Variants in ASB7 observed in about 807,000 individuals in gnomAD.
ASB7 encodes the protein ankyrin repeat and SOCS box protein 7.
A neutral mutation model predicts 32.5 loss-of-function variants in ASB7; 4 were observed. The observed-to-expected ratio is 0.12, with a 90% CI of 0.06 to 0.28. The LOEUF (loss-of-function observed/expected upper bound fraction) is 0.28, where lower values mean the gene tolerates loss of function less well. ASB7 is among the 10% of genes least tolerant of loss of function. The pLI is 1.00. For synonymous variants in ASB7, 172 were observed against 155.6 expected (o/e 1.11, Z -0.78); for missense variants, 181 against 407.1 (o/e 0.44, Z 4.78).
chr15:100,610,328 A>C (rs2039683858), intron 3 of ASB7, among the ~76,000 whole-genome samples: 2 of 151,918 alleles, frequency 1.3e-5, no homozygotes, highest in Admixed American at 1.3e-4. Context: ...CCCCGTCTCT[A>C]CTAAAAATAC....
chr15:100,619,472 A>G (rs943779981), intron 4 of ASB7, among the ~76,000 whole-genome samples: 1 of 152,234 alleles, frequency 6.6e-6, no homozygotes, highest in African/African-American at 2.4e-5. Context: ...ATGAGGTGAG[A>G]GTGAAGTAAA....
intron 5 of ASB7, among the ~76,000 whole-genome samples, chr15:100,636,563 T>A (rs2039924700): frequency 6.6e-6 from 1 of 152,080 alleles, no homozygotes; most frequent in African/African-American, 2.4e-5. Context: ...ATCTAGTGTC[T>A]GACTTGCCTT....
chr15:100,622,513 A>G (rs192653828), intron 4 of ASB7, among the ~76,000 whole-genome samples: 3 of 152,368 alleles, frequency 2.0e-5, no homozygotes, highest in African/African-American at 7.2e-5. Context: ...ATCCTGAGCA[A>G]AAGGGACAAA....
At chr15:100,603,698 T>G (rs985690182) in intron 2 of ASB7, among the ~76,000 whole-genome samples, 3 of 152,224 alleles carry the variant, frequency 2.0e-5, no homozygotes, top group African/African-American at 7.2e-5. Context: ...CCTTTTTAAT[T>G]AAACCACAAT....
intron 5 of ASB7, among the ~76,000 whole-genome samples, chr15:100,637,337 G>T (rs910173853): frequency 6.6e-6 from 1 of 152,178 alleles, no homozygotes; most frequent in African/African-American, 2.4e-5. Flanking sequence ...CAACTGACAG[G>T]ACTTAGGGCC....
chr15:100,604,150 T>A (rs1488390466), intron 2 of ASB7, among the ~76,000 whole-genome samples: 1 of 152,262 alleles, frequency 6.6e-6, no homozygotes, highest in Non-Finnish European at 1.5e-5. Context: ...TTTAGCACTC[T>A]ATAAAAAAGA....
intron 3 of ASB7, among the ~76,000 whole-genome samples, chr15:100,611,692 C>G (rs1434707662): frequency 6.7e-6 from 1 of 149,408 alleles, no homozygotes; most frequent in Admixed American, 6.7e-5. Context: ...GTTGGCCAGG[C>G]TGGTCTCAAA....
intron 4 of ASB7, among the ~76,000 whole-genome samples, chr15:100,621,588 A>G (rs2039792655): frequency 6.6e-6 from 1 of 152,212 alleles, no homozygotes; most frequent in African/African-American, 2.4e-5. Context: ...ATAAAAGACA[A>G]TAATTGTGAA....
At chr15:100,616,520 CCTGGTACAGTTTCA>C (rs879286707) in intron 4 of ASB7, among the ~76,000 whole-genome samples, 2 of 152,132 alleles carry the variant, frequency 1.3e-5, no homozygotes, top group Non-Finnish European at 2.9e-5. Context: ...TATGAGGTAG[CCTGGTACAGTTTCA>C]CTTTTTTCCC....
In ASB7 at chr15:100,619,292, T is replaced by C. The variant is rs376851476; in HGVS notation, c.211+6865T>C. 6.0e-4 allele frequency among the ~76,000 whole-genome samples: 92 copies of C among 152,344 alleles called. 2 individuals are homozygous for C. Among genetic ancestry groups the C allele is most frequent in the African/African-American group, 2.0e-3 (84 of 41,586 alleles). On this transcript the variant is annotated intron_variant, in intron 4 of 5. Transcript: ENST00000332783. Reference sequence around the variant, plus strand: ...TTTGGTTTTAGGAGATGAAGAATGTTCAGTAAGATTGGAATATATCCAATA... The same window carrying C: ...TTTGGTTTTAGGAGATGAAGAATGTCCAGTAAGATTGGAATATATCCAATA...
At chr15:100,645,573 G>T in intron 5 of ASB7, 2 of 703,032 alleles carry the variant, frequency 2.8e-6, no homozygotes, top group Non-Finnish European at 5.3e-6. Flanking sequence ...GAATCCCACA[G>T]CTTGACGGTG....
intron 4 of ASB7, among the ~76,000 whole-genome samples, chr15:100,619,806 G>A (rs1304683035): frequency 2.6e-5 from 4 of 152,220 alleles, no homozygotes; most frequent in African/African-American, 9.6e-5. Flanking sequence ...CTGGTGGGGA[G>A]CGGCCACGTG....
In ASB7 at chr15:100,612,336, G is replaced by A. The variant is rs143205334; in HGVS notation, c.120G>A (p.Pro40=). The A allele has an allele frequency of 5.3e-5, 86 of 1,613,942 alleles. No individual in the cohort carries two copies. Among genetic ancestry groups the A allele is most frequent in the Non-Finnish European group, 6.8e-5 (80 of 1,179,970 alleles). ...VRKMLEQGYS[P]NGRDANGWTL... is the part of the protein sequence containing the mutation. ...AGATGCTAGAACAAGGCTATTCCCC[G>A]AATGGCCGAGATGCGAATGGCTGGA... Residue 40 remains proline, a synonymous_variant, in exon 4 of 6, where the codon CCG becomes CCA. Coordinates refer to ENST00000332783, the MANE Select transcript of ASB7 (RefSeq NM_198243.3).
chr15:100,612,077 G>T (rs779499130), intron 3 of ASB7, 89 bp from the exon 4 acceptor site: 2 of 751,444 alleles, frequency 2.7e-6, no homozygotes, highest in Non-Finnish European at 4.5e-6. Context: ...TACTGATGTA[G>T]CAAATGGAAT....
intron 5 of ASB7, among the ~76,000 whole-genome samples, chr15:100,638,118 A>G (rs1357270040): frequency 6.6e-6 from 1 of 152,170 alleles, no homozygotes; most frequent in Non-Finnish European, 1.5e-5. Flanking sequence ...TAAAAGTGCA[A>G]GGGGGTCCTA....
intron 4 of ASB7, among the ~76,000 whole-genome samples, chr15:100,617,697 A>T (rs540284445): frequency 4.9e-4 from 75 of 152,210 alleles, no homozygotes; most frequent in Admixed American, 1.1e-3. Context: ...GTACTTTTTT[A>T]TTATTACAGC....
intron 2 of ASB7, among the ~76,000 whole-genome samples, chr15:100,604,657 G>C (rs2039624392): frequency 6.6e-6 from 1 of 152,156 alleles, no homozygotes; most frequent in Non-Finnish European, 1.5e-5. Context: ...CAAAAGAAGA[G>C]ATTCTAGGGA....
chr15:100,636,858 T>C (rs1309980741), intron 5 of ASB7, among the ~76,000 whole-genome samples: 3 of 152,236 alleles, frequency 2.0e-5, no homozygotes, highest in Admixed American at 6.5e-5. Context: ...ACGAATTTCC[T>C]AACAATACTA....
rs142390700 is a variant in ASB7 at position 100,629,945 on chromosome 15, G to A, written c.720G>A (p.Thr240=). The A allele has an allele frequency of 3.9e-5, 63 of 1,614,168 alleles. No individual in the cohort carries two copies. The highest frequency in any genetic ancestry group is 1.9e-4 in the African/African-American group (14 of 75,028). ...ARMLYNYGAD[T]NTRNYEGQTP... is the part of the protein sequence containing the mutation. ...TGTTATATAATTACGGAGCAGACAC[G>A]AACACACGGAACTATGAAGGACAGA... The change falls in exon 5 of 6, where the codon ACG becomes ACA. Residue 240 remains threonine (T), a synonymous_variant. Coordinates refer to ENST00000332783, the MANE Select transcript of ASB7 (RefSeq NM_198243.3). This position sits in a 1 kb window ranked among gnomAD's most constrained non-coding sequence, Gnocchi z 6.8.
Sources: gnomAD v4.1 joint callset for allele counts (sites outside exome capture counted in the v4.1 genomes callset) on GRCh38, gnomAD v4.1.1 for gene constraint, Gnocchi (gnomAD v3.1) non-coding constraint, MANE v1.5 for transcripts, NCBI Gene and HGNC (gene_info 2026-07-23, HGNC 2026-07-21) for gene names.